Variants in NRG1 observed in about 807,000 individuals in gnomAD.
NRG1 encodes pro-neuregulin-1, membrane-bound isoform.
In NRG1, 18 loss-of-function variants were observed where a neutral mutation model predicts 63.8. The observed-to-expected ratio is 0.28, with a 90% CI of 0.19 to 0.42. The LOEUF (loss-of-function observed/expected upper bound fraction) is 0.42, where lower values mean the gene tolerates loss of function less well. Ranked by LOEUF, NRG1 falls within the 10% of genes least tolerant of loss-of-function variation. The pLI is 1.00. For synonymous variants in NRG1, 302 were observed against 301.3 expected (o/e 1.00, Z -0.02); for missense variants, 762 against 814.7 (o/e 0.94, Z 0.79).
chr8:31,726,934 C>T (rs1387932124), intron 1 of NRG1, among the ~76,000 whole-genome samples: 1 of 152,264 alleles, frequency 6.6e-6, no homozygotes, highest in Non-Finnish European at 1.5e-5. Flanking sequence ...CACTTGCAAT[C>T]ATTGGACGAA....
At chr8:32,064,152 G>A (rs899007) in intron 1 of NRG1, among the ~76,000 whole-genome samples, 148,579 of 152,200 alleles carry the variant, frequency 0.98, 72,624 homozygotes, top group Non-Finnish European at 1. Context: ...GAGTGTGTGG[G>A]TTTGGGGTAA....
At chr8:31,875,226 G>T (rs1281532520) in intron 1 of NRG1, among the ~76,000 whole-genome samples, 2 of 152,084 alleles carry the variant, frequency 1.3e-5, no homozygotes, top group South Asian at 2.1e-4. Flanking sequence ...GCAAAACTGG[G>T]ACCCAAGGCA....
intron 1 of NRG1, among the ~76,000 whole-genome samples, chr8:31,642,604 C>T (rs1170450345): frequency 3.9e-5 from 6 of 152,066 alleles, no homozygotes; most frequent in African/African-American, 1.4e-4. Context: ...TAGTTTTGTC[C>T]CTCAGTTTGC....
intron 1 of NRG1, among the ~76,000 whole-genome samples, chr8:32,031,365 T>G (rs1013654336): frequency 2.0e-5 from 3 of 152,230 alleles, no homozygotes; most frequent in Non-Finnish European, 4.4e-5. Context: ...AGGCAGCTGC[T>G]GCACAGTCAC....
exon 8 of NRG1, chr8:32,754,408 T>C (rs1270205531): frequency 2.5e-6 from 4 of 1,613,750 alleles, no homozygotes; most frequent in African/African-American, 1.3e-5. Flanking sequence ...GTGCTGACCA[T>C]AACCGGCATC....
At chr8:32,725,145 G>A (rs1043733809) in intron 5 of NRG1, among the ~76,000 whole-genome samples, 9 of 152,212 alleles carry the variant, frequency 5.9e-5, no homozygotes, top group African/African-American at 2.2e-4. Flanking sequence ...CATTTGGGGG[G>A]GAGTTGGAAT....
chr8:31,657,751 A>G (rs1367614207), intron 1 of NRG1, among the ~76,000 whole-genome samples: 11 of 152,210 alleles, frequency 7.2e-5, no homozygotes, highest in Admixed American at 6.5e-5. Context: ...CCATCTTGCA[A>G]GGTATATCAT....
intron 5 of NRG1, among the ~76,000 whole-genome samples, chr8:32,634,260 T>C (rs1850908420): frequency 6.6e-6 from 1 of 152,182 alleles, no homozygotes; most frequent in African/African-American, 2.4e-5. Flanking sequence ...TTTCATTTTA[T>C]TTTAATTTCT....
At chr8:32,715,677 C>T (rs557244671) in intron 5 of NRG1, among the ~76,000 whole-genome samples, 1 of 147,538 alleles carries the variant, frequency 6.8e-6, no homozygotes, top group African/African-American at 2.5e-5. Context: ...CTTGCTCTGT[C>T]GCCCAGGCTG....
At chr8:32,373,457 G>A (rs1173526638) in intron 1 of NRG1, among the ~76,000 whole-genome samples, 1 of 143,324 alleles carries the variant, frequency 7.0e-6, no homozygotes, top group Non-Finnish European at 1.5e-5. Context: ...TTATATGCCT[G>A]AGGTGTTTAT....
chr8:31,808,070 A>T (rs1018879236), intron 1 of NRG1, among the ~76,000 whole-genome samples: 1 of 151,918 alleles, frequency 6.6e-6, no homozygotes, highest in East Asian at 1.9e-4. Flanking sequence ...TGGATTTTTA[A>T]GCGATAAAGA....
At chr8:31,971,397 C>T (rs1807252879) in intron 1 of NRG1, among the ~76,000 whole-genome samples, 1 of 152,062 alleles carries the variant, frequency 6.6e-6, no homozygotes, top group Non-Finnish European at 1.5e-5. Context: ...GTTTAGGTCT[C>T]CCGTGCATTT....
intron 1 of NRG1, among the ~76,000 whole-genome samples, chr8:32,238,744 C>A (rs190780898): frequency 1.3e-5 from 2 of 152,272 alleles, no homozygotes; most frequent in East Asian, 3.9e-4. Context: ...ACACTTCTCC[C>A]AGTTTCCTTT....
intron 1 of NRG1, among the ~76,000 whole-genome samples, chr8:31,923,483 A>G (rs1306482857): frequency 6.6e-6 from 1 of 152,064 alleles, no homozygotes; most frequent in Non-Finnish European, 1.5e-5. Context: ...TGCATTACTA[A>G]TTGCTTTTTA....
At chr8:32,285,043 G>A (rs1853367211) in intron 1 of NRG1, among the ~76,000 whole-genome samples, 2 of 152,176 alleles carry the variant, frequency 1.3e-5, no homozygotes, top group Non-Finnish European at 1.5e-5. Context: ...TAGAAAAACT[G>A]TCTCTAAGCT....
intron 1 of NRG1, among the ~76,000 whole-genome samples, chr8:32,180,811 T>A: frequency 6.6e-6 from 1 of 152,110 alleles, no homozygotes; most frequent in Non-Finnish European, 1.5e-5. Context: ...GCTGCATTGT[T>A]TTTTTAACTA....
chr8:31,826,891 GT>G (rs1824621973), intron 1 of NRG1, among the ~76,000 whole-genome samples: 1 of 152,122 alleles, frequency 6.6e-6, no homozygotes, highest in African/African-American at 2.4e-5. Flanking sequence ...ATTTTGTTTT[GT>G]TTTTGTTTTA....
chr8:32,382,749 G>T (rs1810508210), intron 1 of NRG1, among the ~76,000 whole-genome samples: 1 of 152,124 alleles, frequency 6.6e-6, no homozygotes, highest in African/African-American at 2.4e-5. Context: ...AGGAAAAGAA[G>T]TGTAAGATAT....
intron 1 of NRG1, among the ~76,000 whole-genome samples, chr8:31,863,398 GT>G (rs1293911055): frequency 6.6e-6 from 1 of 152,140 alleles, no homozygotes; most frequent in Non-Finnish European, 1.5e-5. Flanking sequence ...ATCTAAAACT[GT>G]TTTGTTTAAT....
Sources: allele counts gnomAD v4.1 joint callset (sites outside exome capture counted in the v4.1 genomes callset), GRCh38; gene constraint gnomAD v4.1.1; transcripts MANE v1.5; gene names NCBI Gene and HGNC (gene_info 2026-07-23, HGNC 2026-07-21).